SYCP1: variants seen among roughly 807,000 people sequenced by gnomAD.
SYCP1 encodes the protein synaptonemal complex protein 1.
In SYCP1, 64 loss-of-function variants were observed where a neutral mutation model predicts 153.1. That is an observed-to-expected ratio of 0.42 (90% CI 0.34 to 0.51). SYCP1 has a LOEUF of 0.51. Among genes scored for constraint, SYCP1 ranks in the 20% least tolerant of loss-of-function variants. The pLI, the probability that SYCP1 is intolerant of heterozygous loss-of-function variation, is 0.06. For missense variants in SYCP1, 997 were observed against 1,049.0 expected (o/e 0.95, Z 0.68); for synonymous variants, 384 against 341.8 (o/e 1.12, Z -1.36).
intron 20 of SYCP1, among the ~76,000 whole-genome samples, chr1:114,914,286 A>C (rs1668372933): frequency 6.6e-6 from 1 of 151,952 alleles, no homozygotes; most frequent in Non-Finnish European, 1.5e-5. Flanking sequence ...AAACCTTCTA[A>C]TTCTTTAATA....
chr1:114,984,952 T>G (rs1673402101), intron 30 of SYCP1, 84 bp downstream of exon 30: 7 of 652,698 alleles, frequency 1.1e-5, no homozygotes, highest in Non-Finnish European at 1.5e-5. Context: ...GTATAATATA[T>G]TTACATAGTA....
intron 23 of SYCP1, among the ~76,000 whole-genome samples, chr1:114,930,254 T>G (rs1669535681): frequency 6.6e-6 from 1 of 151,886 alleles, no homozygotes; most frequent in Non-Finnish European, 1.5e-5. Flanking sequence ...GTGATCTAGG[T>G]TTTTATCTAG....
At chr1:114,871,035 A>G (rs780053548) in intron 8 of SYCP1, among the ~76,000 whole-genome samples, 3 of 151,928 alleles carry the variant, frequency 2.0e-5, no homozygotes, top group Non-Finnish European at 4.4e-5. Flanking sequence ...TTATACTTCT[A>G]TTTTTACTTT....
chr1:114,855,646 G>C (rs1663886061), intron 2 of SYCP1, 74 bp downstream of exon 2: 2 of 1,199,750 alleles, frequency 1.7e-6, no homozygotes, highest in Admixed American at 2.4e-5. Flanking sequence ...CTTTCTTCCT[G>C]GTGGTGTTTT....
At chr1:114,858,910 G>T (rs1047649837) in intron 6 of SYCP1, among the ~76,000 whole-genome samples, 199 bp downstream of exon 6, 1 of 152,040 alleles carries the variant, frequency 6.6e-6, no homozygotes, top group East Asian at 1.9e-4. Flanking sequence ...GTTGTATAAC[G>T]CTTAATGCAA....
At position 114,898,430 on chromosome 1, in the gene SYCP1, G is replaced by C. The variant is rs561372375; in HGVS notation, c.1320+2921G>C. ...GGCACCTTATTTATTCCCATCATCT[G>C]TCCGGATTTGCAAGATAATTGCTCA... On this transcript the variant is annotated intron_variant, in intron 16 of 31. Transcript: ENST00000369522. Among the ~76,000 whole-genome samples, 8 of 152,216 alleles carry C rather than the reference G, an allele frequency of 5.3e-5. No homozygotes were observed. In the South Asian group the frequency reaches 1.2e-3, roughly 24 times the overall value.
chr1:114,977,547 T>A lies in SYCP1; in HGVS notation c.2323-10T>A, dbSNP rs1672879229. The A allele has an allele frequency of 7.1e-6, 10 of 1,415,684 alleles. No individual in the cohort carries two copies. The East Asian group carries it at 2.6e-4, about 37-fold the overall frequency. The allele number at this position is 1,415,684 out of a possible 1,614,324, so 87.7% of individuals were successfully genotyped here. A position where few individuals can be genotyped will look rare whatever the true frequency, so the allele number is the denominator to read the frequency against. On this transcript the variant is annotated splice_polypyrimidine_tract_variant and intron_variant, in intron 27 of 31. Coordinates refer to ENST00000369522, the MANE Select transcript of SYCP1 (RefSeq NM_003176.4). ...TTATGTTACTTGTACTTGATATTTA[T>A]TTTTAATAGGAAAAACTCAAAAGAG...
chr1:114,955,925 G>C (rs1671405238), intron 27 of SYCP1, among the ~76,000 whole-genome samples: 2 of 152,214 alleles, frequency 1.3e-5, no homozygotes, highest in Admixed American at 1.3e-4. Context: ...CTGCCAAAGA[G>C]TCCGGGGGAA....
At chr1:114,933,761 G>A (rs1290868544) in intron 23 of SYCP1, among the ~76,000 whole-genome samples, 1 of 152,152 alleles carries the variant, frequency 6.6e-6, no homozygotes, top group East Asian at 1.9e-4. Context: ...ATGCATGCAT[G>A]CACAAGCTTC....
chr1:114,899,032 T>C (rs72694094), intron 16 of SYCP1, among the ~76,000 whole-genome samples: 9,269 of 152,308 alleles, frequency 0.061, 323 homozygotes, highest in Middle Eastern at 0.14. Context: ...AAGGGGCTTT[T>C]ATTGGCTCTG....
chr1:114,886,128 A>T lies in SYCP1; in HGVS notation c.1009A>T (p.Thr337Ser). Residue 337 changes from threonine to serine, a missense_variant, in exon 14 of 32, where the codon ACT becomes TCT. Thr to Ser is a moderately conservative substitution (Grantham distance 58). Coordinates refer to ENST00000369522, the MANE Select transcript of SYCP1 (RefSeq NM_003176.4). ...IKVSLQRSVSTQKALEEDLQI... is the reference protein window; with the variant it reads ...IKVSLQRSVSSQKALEEDLQI... ...TTTTATACTTTATTTCATTTAGAGT[A>T]CTCAAAAGGCTTTAGAGGAAGATTT... The T allele has an allele frequency of 6.3e-7, 1 of 1,584,492 alleles. No individual in the cohort carries two copies. Among genetic ancestry groups the T allele is most frequent in the Non-Finnish European group, 8.6e-7 (1 of 1,168,670 alleles).
chr1:114,967,915 G>T (rs1023948823), intron 27 of SYCP1, among the ~76,000 whole-genome samples: 19 of 152,120 alleles, frequency 1.2e-4, no homozygotes, highest in Non-Finnish European at 2.6e-4. Flanking sequence ...GTCTGTAAAG[G>T]ATTTTATTTT....
rs758937073 is a variant in SYCP1, at chr1:114,858,651, T to A, written c.396T>A (p.Ser132Arg). ...STEAELRQKE[S>R]KLQENRKIIE... ...AAGCTGAACTGAGACAGAAAGAAAG[T>A]AAGTTGCAAGAAAACAGAAAGATAA... Residue 132 changes from serine (S) to arginine (R), a missense_variant, in exon 6 of 32, where the codon AGT becomes AGA. Transcript: ENST00000369522. 3 of 1,612,386 alleles carry A rather than the reference T, an allele frequency of 1.9e-6. No individual in the cohort carries two copies. The highest frequency in any genetic ancestry group is 1.7e-5 in the Admixed American group (1 of 59,730).
Position 114,893,329 on chromosome 1 carries a change from T to G in SYCP1, c.1259-2119T>G, listed in dbSNP as rs1054358707. 4.5e-4 allele frequency among the ~76,000 whole-genome samples: 68 copies of G among 152,310 alleles called. 1 individual carries two copies. The highest frequency in any genetic ancestry group is 3.5e-3 in the Admixed American group (54 of 15,306). On this transcript the variant is annotated intron_variant, in intron 15 of 31. Coordinates refer to ENST00000369522, the MANE Select transcript of SYCP1 (RefSeq NM_003176.4). ...TCTGTATCTGTATCTCTATCTCATC[T>G]CTATCTTTATCTGTATCTCCATCTG... is the stretch of plus-strand genomic sequence containing the variant.
chr1:114,922,154 T>A (rs1268007684), intron 20 of SYCP1, among the ~76,000 whole-genome samples: 1 of 152,192 alleles, frequency 6.6e-6, no homozygotes, highest in Admixed American at 6.5e-5. Context: ...CTTCTTGTCC[T>A]TGAATATTTA....
intron 23 of SYCP1, among the ~76,000 whole-genome samples, chr1:114,939,889 A>T (rs193108976): frequency 5.1e-4 from 78 of 152,274 alleles, no homozygotes; most frequent in Non-Finnish European, 8.1e-4. Flanking sequence ...TTACAGTATA[A>T]CTTGGTTGTC....
upstream of SYCP1, among the ~76,000 whole-genome samples, chr1:114,854,225 CCTCTGTCTCCAAGA>C (rs1663787236): frequency 2.0e-5 from 3 of 152,106 alleles, no homozygotes. Context: ...CTCACTGCAG[CCTCTGTCTCCAAGA>C]CTCAAGTGAT....
chr1:114,948,877 C>T (rs1557826053), intron 27 of SYCP1, among the ~76,000 whole-genome samples: 1 of 152,196 alleles, frequency 6.6e-6, no homozygotes, highest in African/African-American at 2.4e-5. Flanking sequence ...ATTAAACCCT[C>T]AGCAATCTTT....
chr1:114,895,438 C>A lies in SYCP1; in HGVS notation c.1259-10C>A. 6.9e-7 allele frequency: 1 copy of A among 1,440,474 alleles called. No individual in the cohort carries two copies. The allele number at this position is 1,440,474 out of a possible 1,614,324, so 89.2% of individuals were successfully genotyped here. A position where few individuals can be genotyped will look rare whatever the true frequency, so the allele number is the denominator to read the frequency against. Reference sequence around the variant, plus strand: ...AGCTTTTTAACACATTTTTTTTTTGCTCATTTTAGAAGAGATGACTAAGCT... The same window carrying A: ...AGCTTTTTAACACATTTTTTTTTTGATCATTTTAGAAGAGATGACTAAGCT... On this transcript the variant is annotated splice_polypyrimidine_tract_variant and intron_variant, in intron 15 of 31. Coordinates refer to ENST00000369522, the MANE Select transcript of SYCP1 (RefSeq NM_003176.4).
Sources: allele counts gnomAD v4.1 joint callset (sites outside exome capture counted in the v4.1 genomes callset), GRCh38; gene constraint gnomAD v4.1.1; transcripts MANE v1.5; gene names NCBI Gene and HGNC (gene_info 2026-07-23, HGNC 2026-07-21).